The following DIAPH3 variants were observed in gnomAD, a reference collection of about 807,000 sequenced individuals.
The protein encoded by DIAPH3 is protein diaphanous homolog 3.
Under a neutral mutation model 144.3 loss-of-function variants are expected in DIAPH3, and 117 were observed. The observed-to-expected ratio is 0.81, with a 90% CI of 0.70 to 0.95. The LOEUF is 0.95. Ranked by LOEUF, DIAPH3 falls within the 40% of genes least tolerant of loss-of-function variation. The pLI is 0.00. For missense variants in DIAPH3, 1,421 were observed against 1,412.7 expected, an observed-to-expected ratio of 1.01 and a Z score of -0.09; for synonymous variants, 519 against 488.9, an observed-to-expected ratio of 1.06 and a Z score of -0.81.
intron 2 of DIAPH3, among the ~76,000 whole-genome samples, chr13:60,113,375 T>C (rs767564675): frequency 2.1e-4 from 32 of 152,232 alleles, no homozygotes; most frequent in Non-Finnish European, 3.8e-4. Flanking sequence ...CAGTATTGTT[T>C]ATTCAATTCA....
intron 17 of DIAPH3, among the ~76,000 whole-genome samples, chr13:59,968,605 A>G (rs533141747): frequency 6.6e-6 from 1 of 152,204 alleles, no homozygotes; most frequent in Non-Finnish European, 1.5e-5. Flanking sequence ...TACTTTAGTC[A>G]GGATAAATGG....
chr13:59,980,844 TG>T lies in DIAPH3; in HGVS notation c.1495del (p.Gln499LysfsTer4). On this transcript the variant is annotated frameshift_variant, in exon 14 of 28. Transcript: ENST00000400324. LOFTEE classifies it high-confidence loss of function. ...LTQFVDICIDQAKLEEFEEKA... is the reference protein window; with the variant it reads ...LTQFVDICIDXAKLEEFEEKA... The stretch of plus-strand genomic sequence containing the variant: ...CTCTTCAAACTCTTCTAGTTTTGCT[TG>T]ATCTATGCAAATGTCTAAAATTGCA... 6.2e-7 allele frequency: 1 copy of T among 1,609,340 alleles called. No homozygotes were observed. Among genetic ancestry groups the T allele is most frequent in the Non-Finnish European group, 8.5e-7 (1 of 1,177,288 alleles).
At chr13:59,851,383 G>A (rs573791954) in intron 22 of DIAPH3, among the ~76,000 whole-genome samples, 3 of 152,032 alleles carry the variant, frequency 2.0e-5, no homozygotes, top group Non-Finnish European at 4.4e-5. Flanking sequence ...ACTCTTTTAT[G>A]TTTTTCTCAA....
At chr13:59,993,525 T>C (rs2051974855) in intron 9 of DIAPH3, among the ~76,000 whole-genome samples, 2 of 151,578 alleles carry the variant, frequency 1.3e-5, no homozygotes, top group African/African-American at 4.8e-5. Context: ...AAATGCTGTT[T>C]TGGAGTAAGA....
At chr13:60,007,577 G>A (rs369111565) in intron 9 of DIAPH3, among the ~76,000 whole-genome samples, 11 of 152,252 alleles carry the variant, frequency 7.2e-5, no homozygotes, top group African/African-American at 2.4e-4. Flanking sequence ...AGGATCACCT[G>A]AGGATCATTT....
intron 1 of DIAPH3, among the ~76,000 whole-genome samples, chr13:60,146,538 C>T (rs186036430): frequency 4.0e-4 from 61 of 152,226 alleles, no homozygotes; most frequent in Non-Finnish European, 7.2e-4. Flanking sequence ...TGATACAGAG[C>T]GGCCCAATAC....
chr13:59,686,225 T>C (rs2033202153), intron 27 of DIAPH3, among the ~76,000 whole-genome samples: 1 of 149,744 alleles, frequency 6.7e-6, no homozygotes, highest in Non-Finnish European at 1.5e-5. Context: ...GTCATTCATC[T>C]TTTTTTCTGA....
chr13:59,929,109 T>C (rs191505889), intron 17 of DIAPH3, among the ~76,000 whole-genome samples: 90 of 152,250 alleles, frequency 5.9e-4, no homozygotes, highest in South Asian at 2.1e-4. Context: ...TCAAAGGAAA[T>C]GTTCATTGGA....
At chr13:59,891,354 T>G (rs984295259) in intron 20 of DIAPH3, among the ~76,000 whole-genome samples, 6 of 151,868 alleles carry the variant, frequency 4.0e-5, no homozygotes, top group African/African-American at 1.4e-4. Context: ...TGAAAGAAAT[T>G]AAGCAGATTG....
chr13:60,010,495 TTATTA>T (rs752902826), intron 8 of DIAPH3, 33 bp downstream of exon 8: 2 of 1,522,958 alleles, frequency 1.3e-6, no homozygotes, highest in Non-Finnish European at 1.8e-6. Flanking sequence ...CTGTATTAAA[TTATTA>T]TATAATTAGG....
In DIAPH3 at chr13:59,693,082, A is replaced by T. The variant is rs557682383; in HGVS notation, c.3320-26236T>A. Among the ~76,000 whole-genome samples the T allele has an allele frequency of 3.3e-5, 5 of 152,340 alleles. No homozygotes were observed. The East Asian group carries it at 9.6e-4, about 29-fold the overall frequency. ...ACAGGAAAATTACTATGAGAAAATT[A>T]TATTTCAGAACAGAACAAGAAAGAG... On this transcript the variant is annotated intron_variant, in intron 27 of 27. Transcript: ENST00000400324.
At chr13:59,938,535 G>A (rs1453147576) in intron 17 of DIAPH3, among the ~76,000 whole-genome samples, 1 of 152,046 alleles carries the variant, frequency 6.6e-6, no homozygotes, top group Admixed American at 6.6e-5. Flanking sequence ...CTTGTGCCCA[G>A]GAGTTTGAGG....
At chr13:59,938,502 A>C (rs987462814) in intron 17 of DIAPH3, among the ~76,000 whole-genome samples, 2 of 152,124 alleles carry the variant, frequency 1.3e-5, no homozygotes, top group African/African-American at 4.8e-5. Flanking sequence ...CTAGCTACTC[A>C]GGAGGATGAA....
intron 27 of DIAPH3, among the ~76,000 whole-genome samples, chr13:59,743,747 G>T (rs567723726): frequency 1.3e-5 from 2 of 152,230 alleles, no homozygotes; most frequent in South Asian, 4.1e-4. Flanking sequence ...TATTTGTAAA[G>T]CATTTTCATT....
chr13:60,073,711 A>T (rs1285913619), intron 4 of DIAPH3, among the ~76,000 whole-genome samples: 1 of 152,214 alleles, frequency 6.6e-6, no homozygotes, highest in Non-Finnish European at 1.5e-5. Context: ...GAACACTTAA[A>T]TTATTCACAG....
intron 27 of DIAPH3, among the ~76,000 whole-genome samples, chr13:59,717,146 A>G (rs1235602514): frequency 6.6e-6 from 1 of 152,218 alleles, no homozygotes; most frequent in Non-Finnish European, 1.5e-5. Context: ...TTAGAAAAAA[A>G]TTATTAAACC....
intron 21 of DIAPH3, among the ~76,000 whole-genome samples, chr13:59,867,984 A>T (rs1292433728): frequency 6.6e-6 from 1 of 152,108 alleles, no homozygotes; most frequent in Non-Finnish European, 1.5e-5. Context: ...TTCAGCAACT[A>T]TATCAGCACT....
In DIAPH3 at chr13:60,112,087, C is replaced by G. The variant is rs751818222; in HGVS notation, c.313G>C (p.Ala105Pro). 1 of 1,614,098 alleles carries G rather than the reference C, an allele frequency of 6.2e-7. No individual in the cohort carries two copies. Among genetic ancestry groups the G allele is most frequent in the Non-Finnish European group, 8.5e-7 (1 of 1,179,946 alleles). Residue 105 changes from alanine to proline, a missense_variant, in exon 3 of 28, where the codon GCA becomes CCA. Ala to Pro is a conservative substitution (Grantham distance 27, BLOSUM62 -1). Transcript: ENST00000400324. ...TAFASSDCSA[A>P]PLEMMENFPK... ...AAGTTCTCCATCATCTCTAAAGGTG[C>G]TGCTGAGCAATCACTGCTTGCAAAT...
At chr13:59,725,744 C>A (rs961793291) in intron 27 of DIAPH3, among the ~76,000 whole-genome samples, 17 of 152,174 alleles carry the variant, frequency 1.1e-4, no homozygotes. Context: ...GTAATTAGAC[C>A]TTGCAAGCCT....
Sources: gnomAD v4.1 joint callset for allele counts (sites outside exome capture counted in the v4.1 genomes callset) on GRCh38, gnomAD v4.1.1 for gene constraint, MANE v1.5 for transcripts, NCBI Gene and HGNC (gene_info 2026-07-23, HGNC 2026-07-21) for gene names.